COL24A1: variants seen among roughly 807,000 people sequenced by gnomAD.
COL24A1 encodes collagen alpha-1(XXIV) chain.
In COL24A1, 224 loss-of-function variants were observed where a neutral mutation model predicts 253.9. The observed-to-expected ratio is 0.88, with a 90% CI of 0.79 to 0.99. COL24A1 has a LOEUF of 0.99. COL24A1 is among the 50% of genes least tolerant of loss of function. The pLI is 0.00. For missense variants in COL24A1, 2,131 were observed against 2,068.5 expected, an observed-to-expected ratio of 1.03 and a Z score of -0.59; for synonymous variants, 685 against 673.7, an observed-to-expected ratio of 1.02 and a Z score of -0.26.
chr1:86,084,419 C>T (rs969995856), intron 7 of COL24A1, among the ~76,000 whole-genome samples: 1 of 152,190 alleles, frequency 6.6e-6, no homozygotes, highest in African/African-American at 2.4e-5. Context: ...TTAGAACATA[C>T]TTCCCTCAGG....
At position 85,835,918 on chromosome 1, in the gene COL24A1, T is replaced by C. The variant is rs145065804; in HGVS notation, c.3681+2667A>G. On this transcript the variant is annotated intron_variant, in intron 43 of 59. Transcript: ENST00000370571. Reference sequence around the variant, plus strand: ...CTGAAGCAATCTGAGGAATGGCATGTGCAGAGAGGACTTTCTTACCTTCCT... The same window carrying C: ...CTGAAGCAATCTGAGGAATGGCATGCGCAGAGAGGACTTTCTTACCTTCCT... 5.3e-5 allele frequency among the ~76,000 whole-genome samples: 8 copies of C among 152,334 alleles called. 1 individual carries two copies. Among genetic ancestry groups the C allele is most frequent in the African/African-American group, 1.9e-4 (8 of 41,572 alleles).
chr1:85,854,151 G>A (rs528786386), intron 37 of COL24A1, among the ~76,000 whole-genome samples: 20 of 152,270 alleles, frequency 1.3e-4, no homozygotes, highest in South Asian at 2.1e-4. Context: ...TGTGGTAAAA[G>A]GTAGGGGTCC....
chr1:85,901,574 C>A (rs986972572), intron 28 of COL24A1, among the ~76,000 whole-genome samples: 1 of 151,808 alleles, frequency 6.6e-6, no homozygotes, highest in Admixed American at 6.6e-5. Flanking sequence ...CTTTGGGAGG[C>A]CAAGGCGGGT....
intron 19 of COL24A1, among the ~76,000 whole-genome samples, chr1:85,998,933 C>T (rs972928863): frequency 6.6e-6 from 1 of 152,154 alleles, no homozygotes; most frequent in African/African-American, 2.4e-5. Context: ...AATAAACTAT[C>T]TTTTGTCATT....
intron 28 of COL24A1, among the ~76,000 whole-genome samples, chr1:85,905,255 C>T (rs113474387): frequency 2.0e-5 from 3 of 152,196 alleles, no homozygotes; most frequent in Non-Finnish European, 2.9e-5. Flanking sequence ...GCTAGGTCCC[C>T]TTTTCATTTA....
At chr1:86,091,199 A>G (rs1315127144) in intron 6 of COL24A1, among the ~76,000 whole-genome samples, 1 of 152,054 alleles carries the variant, frequency 6.6e-6, no homozygotes, top group Non-Finnish European at 1.5e-5. Flanking sequence ...CACCACAATA[A>G]TAAAATTACT....
intron 14 of COL24A1, among the ~76,000 whole-genome samples, chr1:86,023,743 G>T (rs1571639011): frequency 6.6e-6 from 1 of 151,890 alleles, no homozygotes; most frequent in East Asian, 1.9e-4. Flanking sequence ...TGTCATCTTA[G>T]AAGACAAAGG....
intron 24 of COL24A1, among the ~76,000 whole-genome samples, chr1:85,950,504 A>T (rs1000240841): frequency 1.3e-5 from 2 of 152,216 alleles, no homozygotes; most frequent in Admixed American, 6.5e-5. Context: ...AAGAAAGGTG[A>T]TAAGTGTGGG....
intron 32 of COL24A1, chr1:85,883,614 G>T (rs975392741): frequency 2.0e-5 from 3 of 151,836 alleles, no homozygotes; most frequent in Non-Finnish European, 4.4e-5. Context: ...TTTTAAAGTG[G>T]CCACTCTAGA....
chr1:85,742,689 C>A (rs1664781066), intron 57 of COL24A1, among the ~76,000 whole-genome samples: 1 of 152,012 alleles, frequency 6.6e-6, no homozygotes, highest in South Asian at 2.1e-4. Context: ...ACATCCCACC[C>A]TTTTACAGAA....
At chr1:85,899,207 G>A (rs1334969562) in intron 28 of COL24A1, among the ~76,000 whole-genome samples, 2 of 151,950 alleles carry the variant, frequency 1.3e-5, no homozygotes, top group Non-Finnish European at 2.9e-5. Flanking sequence ...AAGAAACACA[G>A]CTAATTTTTT....
intron 53 of COL24A1, among the ~76,000 whole-genome samples, chr1:85,774,786 C>T (rs1259887306): frequency 5.9e-5 from 9 of 152,048 alleles, no homozygotes; most frequent in Non-Finnish European, 8.8e-5. Flanking sequence ...GTCTTGCTAG[C>T]GGTCTATCAA....
At chr1:86,022,500 T>G in intron 17 of COL24A1, 38 bp downstream of exon 17, 1 of 1,549,914 alleles carries the variant, frequency 6.5e-7, no homozygotes, top group South Asian at 1.2e-5. Context: ...AATTTACACT[T>G]TTTCATATTT....
At chr1:86,086,560 C>A (rs1481252329) in intron 7 of COL24A1, among the ~76,000 whole-genome samples, 1 of 152,086 alleles carries the variant, frequency 6.6e-6, no homozygotes, top group African/African-American at 2.4e-5. Flanking sequence ...AACAACACCC[C>A]AAGACTTATT....
intron 39 of COL24A1, among the ~76,000 whole-genome samples, chr1:85,843,794 G>A (rs1202234542): frequency 6.6e-6 from 1 of 152,070 alleles, no homozygotes; most frequent in African/African-American, 2.4e-5. Context: ...TGTGGAAACT[G>A]TTGCCCCAAA....
In COL24A1 at chr1:85,816,814, C is replaced by G; in HGVS notation, c.3925G>C (p.Gly1309Arg). 1 of 1,613,932 alleles carries G rather than the reference C, an allele frequency of 6.2e-7. No homozygotes were observed. The change falls in exon 47 of 60, where the codon GGG (glycine) becomes CGG (arginine). Residue 1309 changes from glycine to arginine, a missense_variant. Gly to Arg is a moderately radical substitution (Grantham distance 125). Transcript: ENST00000370571. Reference sequence around the variant, plus strand: ...GGAAGTCCCTGTTTTCCTGGTGGCCCAATTTTTCCAGGGTTTCCTGAAATG... The same window carrying G: ...GGAAGTCCCTGTTTTCCTGGTGGCCGAATTTTTCCAGGGTTTCCTGAAATG... ...DGISGNPGKI[G>R]PPGKQGLPGI...
chr1:85,987,626 C>T lies in COL24A1; in HGVS notation c.2339G>A (p.Gly780Glu). The change falls in exon 20 of 60, where the codon GGA (glycine) becomes GAA (glutamate). Residue 780 changes from glycine to glutamate, a missense_variant. Physicochemically the swap from Gly to Glu is moderately conservative, Grantham distance 98 (BLOSUM62 -2). Coordinates refer to ENST00000370571, the MANE Select transcript of COL24A1 (RefSeq NM_152890.7). ...CTTTGGTCCTTCAGGGCCGTTTTGTCCAGGAATCCCAATATCTCCTGGAAA... is the reference window on the plus strand; with the variant it reads ...CTTTGGTCCTTCAGGGCCGTTTTGTTCAGGAATCCCAATATCTCCTGGAAA... ...EGFPGDIGIPGQNGPEGPKGL... is the reference protein window; with the variant it reads ...EGFPGDIGIPEQNGPEGPKGL... 5.0e-6 allele frequency: 8 copies of T among 1,610,480 alleles called. No homozygotes were observed. Among genetic ancestry groups the T allele is most frequent in the Non-Finnish European group, 6.8e-6 (8 of 1,177,916 alleles).
In COL24A1 at chr1:86,144,612, T is replaced by A. The variant is rs959035834; in HGVS notation, c.121+1507A>T. 1.2e-4 allele frequency among the ~76,000 whole-genome samples: 19 copies of A among 152,286 alleles called. 2 individuals are homozygous for A. The highest frequency in any genetic ancestry group is 5.2e-4 in the Admixed American group (8 of 15,302). ...AAAGAGATGATACAAAATATACATT[T>A]AATTAATAATTGTATTCTTCTCTTC... On this transcript the variant is annotated intron_variant, in intron 2 of 59. Transcript: ENST00000370571.
At chr1:85,881,790 A>C (rs1313929408) in intron 32 of COL24A1, among the ~76,000 whole-genome samples, 1 of 151,894 alleles carries the variant, frequency 6.6e-6, no homozygotes, top group Admixed American at 6.6e-5. Flanking sequence ...GAGGTTGATT[A>C]ATTTTGGTTG....
Sources: allele counts gnomAD v4.1 joint callset (sites outside exome capture counted in the v4.1 genomes callset), GRCh38; gene constraint gnomAD v4.1.1; transcripts MANE v1.5; gene names NCBI Gene and HGNC (gene_info 2026-07-23, HGNC 2026-07-21).